The following ADAMTSL3 variants were observed in gnomAD, a reference collection of about 807,000 sequenced individuals.
ADAMTSL3 encodes ADAMTS like 3, also known as ADAMTS-like protein 3.
ADAMTSL3 carries 128 observed loss-of-function variants against 201.7 expected under a neutral mutation model. That is an observed-to-expected ratio of 0.63 (90% CI 0.55 to 0.73). The LOEUF (loss-of-function observed/expected upper bound fraction) is 0.73. ADAMTSL3 is among the 30% of genes least tolerant of loss of function. The probability of loss-of-function intolerance (pLI) is 0.00; values close to 1 mark genes in which losing one functional copy is unlikely to be tolerated. For synonymous variants in ADAMTSL3, 738 were observed against 748.4 expected, an observed-to-expected ratio of 0.99 and a Z score of 0.23; for missense variants, 1,990 against 2,119.6, an observed-to-expected ratio of 0.94 and a Z score of 1.20.
intron 7 of ADAMTSL3, among the ~76,000 whole-genome samples, chr15:83,853,710 T>A (rs1380706878): frequency 6.6e-6 from 1 of 152,186 alleles, no homozygotes; most frequent in African/African-American, 2.4e-5. Context: ...TTCAAATATT[T>A]TACTTAGGAA....
At chr15:83,964,926 T>C (rs2067049977) in intron 19 of ADAMTSL3, among the ~76,000 whole-genome samples, 1 of 152,136 alleles carries the variant, frequency 6.6e-6, no homozygotes, top group African/African-American at 2.4e-5. Context: ...CAACCTAAGC[T>C]TCATAAGCGA....
intron 13 of ADAMTSL3, among the ~76,000 whole-genome samples, chr15:83,897,008 G>T (rs1212273721): frequency 6.6e-6 from 1 of 152,142 alleles, no homozygotes; most frequent in African/African-American, 2.4e-5. Flanking sequence ...CCAGCATGGG[G>T]AAAACTGCCC....
At chr15:83,770,938 G>T (rs892007697) in intron 3 of ADAMTSL3, among the ~76,000 whole-genome samples, 12 of 152,060 alleles carry the variant, frequency 7.9e-5, no homozygotes, top group Admixed American at 4.6e-4. Flanking sequence ...GTGGTGGCAG[G>T]CACCTGTAGT....
intron 3 of ADAMTSL3, among the ~76,000 whole-genome samples, chr15:83,770,599 A>G (rs2062965801): frequency 6.6e-6 from 1 of 152,152 alleles, no homozygotes; most frequent in Non-Finnish European, 1.5e-5. Context: ...TTCTACTTTT[A>G]TTGCTATATC....
rs35557833 is a variant in ADAMTSL3, at chr15:83,974,998, CTTTTTTTTTTTTT to C, written c.2644+4372_2644+4384del. Among the ~76,000 whole-genome samples, 5 of 96,164 alleles carry C rather than the reference CTTTTTTTTTTTTT, an allele frequency of 5.2e-5. No homozygotes were observed. The East Asian group carries it at 1.4e-3, about 27-fold the overall frequency. The allele number at this position is 96,164 out of a possible 152,430, so 63.1% of individuals were successfully genotyped here. A position where few individuals can be genotyped will look rare whatever the true frequency, so the allele number is the denominator to read the frequency against. On this transcript the variant is annotated intron_variant, in intron 20 of 29. Transcript: ENST00000286744. The stretch of plus-strand genomic sequence containing the variant: ...CCTTGTACTGGCACACAGCCTGCGT[CTTTTTTTTTTTTT>C]TTTTTTTTTTGAGACGGAGTCTCGC...
intron 2 of ADAMTSL3, among the ~76,000 whole-genome samples, chr15:83,671,185 T>A (rs985830420): frequency 2.6e-5 from 4 of 152,218 alleles, no homozygotes; most frequent in African/African-American, 9.6e-5. Flanking sequence ...TAAAATGCAT[T>A]GGGTACTTTT....
In ADAMTSL3 at chr15:83,942,920, C is replaced by T. The variant is rs1415746280; in HGVS notation, c.2328C>T (p.Gly776=). ...EEWQQCSRTC[G]GGTQNRRVTC... is the part of the protein sequence containing the mutation. ...CTTCTTAGTGTTCCAGGACTTGTGGCGGGGGAACTCAGAACAGAAGAGTCA... is the reference window on the plus strand; with the variant it reads ...CTTCTTAGTGTTCCAGGACTTGTGGTGGGGGAACTCAGAACAGAAGAGTCA... The change falls in exon 19 of 30, where the codon GGC becomes GGT. Residue 776 remains glycine (G), a synonymous_variant. Coordinates refer to ENST00000286744, the MANE Select transcript of ADAMTSL3 (RefSeq NM_207517.3). The T allele has an allele frequency of 3.7e-6, 6 of 1,600,128 alleles. No homozygotes were observed. Among genetic ancestry groups the T allele is most frequent in the Admixed American group, 3.4e-5 (2 of 59,302 alleles).
At chr15:83,696,200 T>C (rs573296883) in intron 2 of ADAMTSL3, among the ~76,000 whole-genome samples, 1 of 152,304 alleles carries the variant, frequency 6.6e-6, no homozygotes, top group African/African-American at 2.4e-5. Flanking sequence ...GGAGTGATCC[T>C]AACTTCCCAT....
chr15:83,741,041 T>C lies in ADAMTSL3; in HGVS notation c.190-32482T>C, dbSNP rs568009152. 5.9e-5 allele frequency among the ~76,000 whole-genome samples: 9 copies of C among 152,144 alleles called. No individual in the cohort carries two copies. In the East Asian group the frequency reaches 7.7e-4, roughly 13 times the overall value. On this transcript the variant is annotated intron_variant, in intron 3 of 29. Transcript: ENST00000286744. ...GAGGACATGTATTTCCTATGTAATATTAGCTTTTCTGGAATGTAGAAAGAG... is the reference window on the plus strand; with the variant it reads ...GAGGACATGTATTTCCTATGTAATACTAGCTTTTCTGGAATGTAGAAAGAG...
chr15:84,018,486 A>C (rs1236319761), intron 25 of ADAMTSL3, among the ~76,000 whole-genome samples: 1 of 152,264 alleles, frequency 6.6e-6, no homozygotes, highest in Non-Finnish European at 1.5e-5. Flanking sequence ...TGAGATACAC[A>C]GTGATAGGAG....
chr15:84,036,611 G>A (rs1285460917), intron 28 of ADAMTSL3, among the ~76,000 whole-genome samples, 162 bp from the exon 29 acceptor site: 4 of 152,192 alleles, frequency 2.6e-5, no homozygotes, highest in Non-Finnish European at 5.9e-5. Flanking sequence ...TGTCGTTCTA[G>A]CCTGTATGGC....
intron 3 of ADAMTSL3, among the ~76,000 whole-genome samples, chr15:83,767,460 C>T (rs1237985508): frequency 6.6e-6 from 1 of 152,066 alleles, no homozygotes; most frequent in Non-Finnish European, 1.5e-5. Context: ...CTTGAGACAA[C>T]CTAAAGAGAT....
At chr15:83,950,630 C>T (rs568790399) in intron 19 of ADAMTSL3, among the ~76,000 whole-genome samples, 51 of 152,152 alleles carry the variant, frequency 3.4e-4, no homozygotes, top group African/African-American at 1.2e-3. Context: ...TCTTCCAACC[C>T]ATGAACATGG....
At chr15:83,800,041 C>A (rs918785557) in intron 4 of ADAMTSL3, among the ~76,000 whole-genome samples, 1 of 151,856 alleles carries the variant, frequency 6.6e-6, no homozygotes, top group Non-Finnish European at 1.5e-5. Flanking sequence ...TCAATAGAGG[C>A]CAGTCACTGG....
chr15:83,933,568 A>G (rs1431560804), intron 17 of ADAMTSL3, among the ~76,000 whole-genome samples: 1 of 152,248 alleles, frequency 6.6e-6, no homozygotes, highest in Non-Finnish European at 1.5e-5. Flanking sequence ...TTTTCTGAGG[A>G]GAAATTCAAG....
chr15:83,777,278 A>G (rs1596188674), intron 4 of ADAMTSL3, among the ~76,000 whole-genome samples: 2 of 152,230 alleles, frequency 1.3e-5, no homozygotes, highest in Non-Finnish European at 2.9e-5. Context: ...CGTAGCTGCC[A>G]CTACCACTGC....
chr15:83,706,970 A>G (rs767475308), intron 3 of ADAMTSL3, among the ~76,000 whole-genome samples: 20 of 152,036 alleles, frequency 1.3e-4, no homozygotes, highest in East Asian at 5.8e-4. Flanking sequence ...CGCCTGGCCA[A>G]TCCTCTTTTT....
intron 2 of ADAMTSL3, among the ~76,000 whole-genome samples, chr15:83,672,857 C>T (rs1371530734): frequency 1.3e-5 from 2 of 152,184 alleles, no homozygotes; most frequent in African/African-American, 4.8e-5. Context: ...GGCCTTACTT[C>T]TTAGGACAGG....
rs193026949 is a variant in ADAMTSL3, at chr15:84,037,995, A to G, written c.*189A>G. The G allele has an allele frequency of 1.1e-4, 92 of 860,738 alleles. No individual in the cohort carries two copies. In the African/African-American group the frequency reaches 1.3e-3, roughly 12 times the overall value. The allele number at this position is 860,738 out of a possible 1,614,324, so 53.3% of individuals were successfully genotyped here. On this transcript the variant is annotated 3_prime_UTR_variant, in exon 30 of 30. Coordinates refer to ENST00000286744, the MANE Select transcript of ADAMTSL3 (RefSeq NM_207517.3). ...TTTCCAATGGTAGTTTTATATTCCA[A>G]TTTTTTAAAATGATGTATTCAAGGA...
Sources: gnomAD v4.1 joint callset for allele counts (sites outside exome capture counted in the v4.1 genomes callset) on GRCh38, gnomAD v4.1.1 for gene constraint, MANE v1.5 for transcripts, NCBI Gene and HGNC (gene_info 2026-07-23, HGNC 2026-07-21) for gene names.